Variants in RGS6 observed in about 807,000 individuals in gnomAD.
The protein encoded by RGS6 is regulator of G protein signaling 6.
A neutral mutation model predicts 78.5 loss-of-function variants in RGS6; 30 were observed. The ratio of observed to expected loss-of-function variants is 0.38; its 90% confidence interval spans 0.29 to 0.52. The LOEUF is 0.52. RGS6 is among the 20% of genes least tolerant of loss of function. The probability of loss-of-function intolerance (pLI) is 0.85; values close to 1 mark genes in which losing one functional copy is unlikely to be tolerated. For synonymous variants in RGS6, 206 were observed against 206.0 expected (o/e 1.00, Z 0.00); for missense variants, 495 against 609.7 (o/e 0.81, Z 1.98).
chr14:72,409,161 A>C (rs2093194293), intron 3 of RGS6, among the ~76,000 whole-genome samples: 2 of 152,220 alleles, frequency 1.3e-5, no homozygotes, highest in African/African-American at 4.8e-5. Flanking sequence ...CCTGTAAGTT[A>C]GTCTTTTTGC....
At chr14:71,927,461 T>C (rs1454650034), upstream of RGS6, among the ~76,000 whole-genome samples, 1 of 152,170 alleles carries the variant, frequency 6.6e-6, no homozygotes, top group Non-Finnish European at 1.5e-5. Context: ...CACTTCACAC[T>C]GTAATCAATT....
the RGS6 span, among the ~76,000 whole-genome samples, chr14:72,616,516 G>A: frequency 5.3e-5 from 8 of 152,254 alleles, 1 homozygote; most frequent in South Asian, 4.1e-4. Context: ...ACAAGAAGGC[G>A]GACATGGAAA....
In RGS6 at chr14:72,448,775, A is replaced by G. The variant is rs538039580; in HGVS notation, c.185-5753A>G. Among the ~76,000 whole-genome samples the G allele has an allele frequency of 3.3e-5, 5 of 152,332 alleles. No homozygotes were observed. In the East Asian group the frequency reaches 5.8e-4, roughly 18 times the overall value. ...GGTTTTCTAATTGTTTTTTCTTTAT[A>G]CTACTTGGAAAGTTATACAGAGTTA... On this transcript the variant is annotated intron_variant, in intron 3 of 17. Transcript: ENST00000553525.
chr14:71,874,821 A>G, the RGS6 span, among the ~76,000 whole-genome samples: 1 of 152,322 alleles, frequency 6.6e-6, no homozygotes, highest in East Asian at 1.9e-4. Flanking sequence ...CATCCCATCA[A>G]TACCTAATTT....
At chr14:72,210,822 G>GT (rs1299631070) in intron 2 of RGS6, among the ~76,000 whole-genome samples, 1 of 150,798 alleles carries the variant, frequency 6.6e-6, no homozygotes, top group Admixed American at 6.6e-5. Context: ...TTTTGTTTTT[G>GT]TTTTTGTTTT....
chr14:72,153,090 A>G (rs1317753731), intron 2 of RGS6, among the ~76,000 whole-genome samples: 2 of 152,036 alleles, frequency 1.3e-5, no homozygotes, highest in Non-Finnish European at 2.9e-5. Flanking sequence ...TGACCCCTTT[A>G]TATTTGGCTG....
intron 2 of RGS6, among the ~76,000 whole-genome samples, chr14:72,096,840 G>A (rs573688163): frequency 1.3e-5 from 2 of 152,212 alleles, no homozygotes; most frequent in African/African-American, 2.4e-5. Flanking sequence ...TCCCAAGGAC[G>A]TGGATACCTA....
At chr14:71,971,499 C>A (rs369017375) in intron 2 of RGS6, among the ~76,000 whole-genome samples, 1 of 152,024 alleles carries the variant, frequency 6.6e-6, no homozygotes, top group East Asian at 1.9e-4. Flanking sequence ...CTTCTGGGTC[C>A]GGACATCCTT....
chr14:71,938,303 A>C (rs2089901178), intron 1 of RGS6, among the ~76,000 whole-genome samples: 1 of 152,248 alleles, frequency 6.6e-6, no homozygotes, highest in South Asian at 2.1e-4. Flanking sequence ...CATTGGCTAC[A>C]GCCCATGAAT....
intron 3 of RGS6, among the ~76,000 whole-genome samples, chr14:72,357,155 C>G (rs941922335): frequency 6.6e-6 from 1 of 151,958 alleles, no homozygotes; most frequent in African/African-American, 2.4e-5. Flanking sequence ...ACCTGTAATC[C>G]CAGCTACTTG....
At chr14:72,547,356 AAAGGCT>A in intron 17 of RGS6, 1 of 1,535,238 alleles carries the variant, frequency 6.5e-7, no homozygotes, top group Non-Finnish European at 8.7e-7. Context: ...TGAGGACTTC[AAAGGCT>A]AAGAAGTAAG....
At chr14:72,245,582 G>C (rs1442462330) in intron 2 of RGS6, among the ~76,000 whole-genome samples, 1 of 152,224 alleles carries the variant, frequency 6.6e-6, no homozygotes, top group Non-Finnish European at 1.5e-5. Flanking sequence ...GGCGGGCCAG[G>C]TGTTCCTTGC....
intron 2 of RGS6, among the ~76,000 whole-genome samples, chr14:72,079,811 T>A (rs1203636023): frequency 6.6e-6 from 1 of 152,172 alleles, no homozygotes; most frequent in Admixed American, 6.5e-5. Flanking sequence ...CTGGTTCCTT[T>A]TTCACTTAAC....
chr14:72,058,982 C>A (rs751530397), intron 2 of RGS6, among the ~76,000 whole-genome samples: 2 of 152,168 alleles, frequency 1.3e-5, no homozygotes, highest in Admixed American at 6.5e-5. Flanking sequence ...TGGCTCACTG[C>A]AACCTCTACC....
chr14:72,009,093 G>A (rs574807904), intron 2 of RGS6, among the ~76,000 whole-genome samples: 5 of 152,328 alleles, frequency 3.3e-5, no homozygotes, highest in Admixed American at 6.5e-5. Context: ...GCTGGCTTAC[G>A]CCTATAATCC....
intron 2 of RGS6, among the ~76,000 whole-genome samples, chr14:72,003,386 C>T (rs576916866): frequency 2.8e-4 from 43 of 152,300 alleles, no homozygotes; most frequent in African/African-American, 9.9e-4. Context: ...ATGTACGGTT[C>T]GGTGGCACTA....
intron 2 of RGS6, among the ~76,000 whole-genome samples, chr14:72,176,896 C>T (rs571830545): frequency 2.0e-5 from 3 of 152,250 alleles, no homozygotes; most frequent in African/African-American, 7.2e-5. Context: ...CTCTTGTGCC[C>T]CTTTCCAATC....
At chr14:71,892,955 T>C in the RGS6 span, among the ~76,000 whole-genome samples, 59 of 152,394 alleles carry the variant, frequency 3.9e-4, no homozygotes, top group Middle Eastern at 3.4e-3. Context: ...CCAAGCCAGC[T>C]TCATGGGACG....
rs192625909 is a variant in RGS6 at position 72,302,771 on chromosome 14, A to T, written c.85-49324A>T. On this transcript the variant is annotated intron_variant, in intron 2 of 17. Coordinates refer to ENST00000553525, the MANE Select transcript of RGS6 (RefSeq NM_001204424.2). ...CTTCAGTTTCTGTGGTACAGCCATG[A>T]TATGGCTTGGCTGTCCCCAGCCAGA... 3.9e-3 allele frequency among the ~76,000 whole-genome samples: 594 copies of T among 152,290 alleles called. 3 individuals are homozygous for T. The highest frequency in any genetic ancestry group is 0.013 in the African/African-American group (532 of 41,562).
Sources: gnomAD v4.1 joint callset for allele counts (sites outside exome capture counted in the v4.1 genomes callset) on GRCh38, gnomAD v4.1.1 for gene constraint, MANE v1.5 for transcripts, NCBI Gene and HGNC (gene_info 2026-07-23, HGNC 2026-07-21) for gene names.